Variants in ASIC2 observed in about 807,000 individuals in gnomAD.
ASIC2 encodes the protein acid sensing ion channel subunit 2, also known as acid-sensing ion channel 2.
In ASIC2, 25 loss-of-function variants were observed where a neutral mutation model predicts 57.3. The observed-to-expected ratio is 0.44, with a 90% CI of 0.32 to 0.61. The LOEUF (loss-of-function observed/expected upper bound fraction) is 0.61. Among genes scored for constraint, ASIC2 ranks in the 20% least tolerant of loss-of-function variants. The pLI, the probability that ASIC2 is intolerant of heterozygous loss-of-function variation, is 0.06. For missense variants in ASIC2, 641 were observed against 738.1 expected (o/e 0.87, Z 1.52); for synonymous variants, 319 against 307.5 (o/e 1.04, Z -0.39).
chr17:33,481,712 A>G (rs1913412259), intron 1 of ASIC2, among the ~76,000 whole-genome samples: 1 of 152,230 alleles, frequency 6.6e-6, no homozygotes, highest in South Asian at 2.1e-4. Flanking sequence ...AAACAAAAAC[A>G]AAACAAAACC....
chr17:33,420,061 T>C (rs1449575273), intron 1 of ASIC2, among the ~76,000 whole-genome samples: 1 of 152,218 alleles, frequency 6.6e-6, no homozygotes, highest in Non-Finnish European at 1.5e-5. Context: ...CTTTTTTTCA[T>C]ATGCCGTTTC....
chr17:33,426,642 A>T (rs556805860), intron 1 of ASIC2, among the ~76,000 whole-genome samples: 1 of 152,260 alleles, frequency 6.6e-6, no homozygotes, highest in Admixed American at 6.5e-5. Flanking sequence ...CCTTGAGCAC[A>T]TCTCTAAATT....
intron 1 of ASIC2, among the ~76,000 whole-genome samples, chr17:34,094,322 A>G (rs1246392562): frequency 1.3e-5 from 2 of 152,224 alleles, no homozygotes; most frequent in Non-Finnish European, 2.9e-5. Flanking sequence ...TGTCCACTAC[A>G]GCCCATGACT....
At chr17:33,400,386 C>A (rs1014894366) in intron 1 of ASIC2, among the ~76,000 whole-genome samples, 2 of 151,996 alleles carry the variant, frequency 1.3e-5, no homozygotes. Context: ...GAAGACCAAG[C>A]AAAAAGAAGT....
At chr17:34,009,074 A>G (rs1475543573) in intron 1 of ASIC2, among the ~76,000 whole-genome samples, 1 of 149,492 alleles carries the variant, frequency 6.7e-6, no homozygotes, top group Admixed American at 6.6e-5. Context: ...AGCACAGTCC[A>G]CCTTTTTTTT....
At chr17:33,283,036 C>T (rs1340682556) in intron 1 of ASIC2, among the ~76,000 whole-genome samples, 1 of 152,204 alleles carries the variant, frequency 6.6e-6, no homozygotes, top group Non-Finnish European at 1.5e-5. Flanking sequence ...GGCCTTTGCA[C>T]TTTGGTTTGA....
intron 6 of ASIC2, among the ~76,000 whole-genome samples, chr17:33,022,202 A>G (rs1598237920): frequency 6.6e-6 from 1 of 152,184 alleles, no homozygotes; most frequent in Admixed American, 6.5e-5. Context: ...CTGTTTCCTA[A>G]CAGTTCCCTT....
At chr17:33,199,257 G>C (rs1597626247) in intron 1 of ASIC2, among the ~76,000 whole-genome samples, 1 of 152,192 alleles carries the variant, frequency 6.6e-6, no homozygotes, top group Non-Finnish European at 1.5e-5. Flanking sequence ...TGATTTGAAA[G>C]GCAATATTTA....
intron 1 of ASIC2, among the ~76,000 whole-genome samples, chr17:34,101,780 T>C (rs1910873119): frequency 6.6e-6 from 1 of 152,204 alleles, no homozygotes; most frequent in Non-Finnish European, 1.5e-5. Flanking sequence ...GTCGCTTGCT[T>C]TTTCTAAGGA....
intron 1 of ASIC2, among the ~76,000 whole-genome samples, chr17:33,694,240 A>T (rs1465933088): frequency 6.6e-6 from 1 of 152,172 alleles, no homozygotes; most frequent in Non-Finnish European, 1.5e-5. Context: ...GTGTTGGCAC[A>T]TTTACAGAGT....
intron 1 of ASIC2, among the ~76,000 whole-genome samples, chr17:33,731,634 T>G (rs979840631): frequency 6.6e-6 from 1 of 152,348 alleles, no homozygotes; most frequent in South Asian, 2.1e-4. Context: ...TAAACCCCCT[T>G]GGGACTTTGG....
intron 1 of ASIC2, among the ~76,000 whole-genome samples, chr17:33,203,852 G>A (rs775924730): frequency 2.0e-5 from 3 of 152,204 alleles, no homozygotes; most frequent in Non-Finnish European, 2.9e-5. Context: ...TTTTCACAAT[G>A]TGACTGCCCC....
intron 1 of ASIC2, among the ~76,000 whole-genome samples, chr17:33,191,180 T>C (rs1434624735): frequency 1.3e-5 from 2 of 152,102 alleles, no homozygotes; most frequent in African/African-American, 4.8e-5. Context: ...TACAACAACA[T>C]GGAGAGGTCT....
intron 1 of ASIC2, among the ~76,000 whole-genome samples, chr17:33,284,267 C>A (rs1468346353): frequency 6.6e-6 from 1 of 152,146 alleles, no homozygotes; most frequent in Non-Finnish European, 1.5e-5. Context: ...TTAGCACAGG[C>A]CCGAGCTGGA....
chr17:33,262,801 T>C (rs1343046192), intron 1 of ASIC2, among the ~76,000 whole-genome samples: 1 of 151,924 alleles, frequency 6.6e-6, no homozygotes, highest in African/African-American at 2.4e-5. Flanking sequence ...AAGAATAAAG[T>C]ACTATGAGAG....
At chr17:33,894,334 C>CATGCGT (rs1365923506) in intron 1 of ASIC2, among the ~76,000 whole-genome samples, 50 of 136,024 alleles carry the variant, frequency 3.7e-4, no homozygotes, top group Middle Eastern at 3.7e-3. Flanking sequence ...GCTCTGCGTG[C>CATGCGT]GTGCGTGCGT....
At chr17:33,712,635 G>GTTTTTTTTTTTTTTTTTTTTTTTTT (rs1567695931) in intron 1 of ASIC2, among the ~76,000 whole-genome samples, 1 of 123,320 alleles carries the variant, frequency 8.1e-6, no homozygotes, top group African/African-American at 3.2e-5. Flanking sequence ...TACTCATATG[G>GTTTTTTTTTTTTTTTTTTTTTTTTT]CTTTTTTTTT....
rs532355632 is a variant in ASIC2 at position 33,593,704 on chromosome 17, T to C, written c.556-481637A>G. Among the ~76,000 whole-genome samples, 17 of 152,340 alleles carry C rather than the reference T, an allele frequency of 1.1e-4. No individual in the cohort carries two copies. In the East Asian group the frequency reaches 3.3e-3, roughly 29 times the overall value. ...TCATCTGAATAAGTGTTGACTTTTG[T>C]GTAATTTGCACATAGAAGAGAGAAC... On this transcript the variant is annotated intron_variant, in intron 1 of 9. Coordinates refer to the ASIC2 transcript ENST00000359872.
chr17:33,955,209 C>G (rs943283501), intron 1 of ASIC2: 3 of 152,334 alleles, frequency 2.0e-5, no homozygotes, highest in Middle Eastern at 3.4e-3. Context: ...ATACCACACT[C>G]TAGCCATCAC....
Sources: gnomAD v4.1 joint callset for allele counts (sites outside exome capture counted in the v4.1 genomes callset) on GRCh38, gnomAD v4.1.1 for gene constraint, MANE v1.5 for transcripts, NCBI Gene and HGNC (gene_info 2026-07-23, HGNC 2026-07-21) for gene names.